The following MFSD11 variants were observed in gnomAD, a reference collection of about 807,000 sequenced individuals.
MFSD11 encodes UNC93-like protein MFSD11.
A neutral mutation model predicts 53.5 loss-of-function variants in MFSD11; 36 were observed. The observed-to-expected ratio is 0.67, with a 90% CI of 0.52 to 0.89. MFSD11 has a LOEUF of 0.89. Ranked by LOEUF, MFSD11 falls within the 40% of genes least tolerant of loss-of-function variation. MFSD11 has a pLI of 0.00. For synonymous variants in MFSD11, 186 were observed against 184.9 expected (o/e 1.01, Z -0.05); for missense variants, 530 against 543.9 (o/e 0.97, Z 0.25).
chr17:76,789,914 G>A, the MFSD11 span, among the ~76,000 whole-genome samples: 4 of 150,148 alleles, frequency 2.7e-5, no homozygotes, highest in Admixed American at 6.7e-5. Flanking sequence ...TTGTGAATAT[G>A]GATTGTGTTT....
the MFSD11 span, among the ~76,000 whole-genome samples, chr17:76,803,265 A>G: frequency 2.6e-5 from 4 of 152,142 alleles, no homozygotes; most frequent in East Asian, 7.7e-4. Context: ...GACCTAACCA[A>G]CTCCATCTTG....
chr17:76,769,773 T>C lies in MFSD11; in HGVS notation c.776T>C (p.Val259Ala), dbSNP rs1218187321. The change falls in exon 10 of 13, where the codon GTA becomes GCA. Residue 259 changes from valine to alanine, a missense_variant. Transcript: ENST00000685175. ...CTGGAATTAACTTTCTTCTCTGGTG[T>C]ATATGGAACCTGTATTGGTGCTACA... ...TGLELTFFSG[V>A]YGTCIGATNK... is the part of the protein sequence containing the mutation. 1.9e-6 allele frequency: 3 copies of C among 1,609,150 alleles called. No individual in the cohort carries two copies. The highest frequency in any genetic ancestry group is 2.5e-6 in the Non-Finnish European group (3 of 1,177,746).
chr17:76,737,653 T>G, upstream of MFSD11: 1 of 192,610 alleles, frequency 5.2e-6, no homozygotes, highest in Non-Finnish European at 1.1e-5. Flanking sequence ...CACCTTTTTT[T>G]CATGCCAATA....
intron 9 of MFSD11, among the ~76,000 whole-genome samples, chr17:76,767,695 C>T (rs2080985880): frequency 6.6e-6 from 1 of 151,918 alleles, no homozygotes. Context: ...ATCTCCACGA[C>T]CCCCTCCATA....
At chr17:76,754,329 C>T in intron 8 of MFSD11, 1 of 450,286 alleles carries the variant, frequency 2.2e-6, no homozygotes, top group South Asian at 2.9e-5. Context: ...AAAGAGGCTG[C>T]ATAGCACTCA....
At chr17:76,746,413 A>G (rs2078546522) in intron 7 of MFSD11, among the ~76,000 whole-genome samples, 1 of 152,254 alleles carries the variant, frequency 6.6e-6, no homozygotes, top group Non-Finnish European at 1.5e-5. Context: ...AGATCTGGCC[A>G]TTATAATTGA....
chr17:76,800,138 T>TGG, the MFSD11 span, among the ~76,000 whole-genome samples: 1 of 70,292 alleles, frequency 1.4e-5, no homozygotes, highest in African/African-American at 5.0e-5. Flanking sequence ...GTATTTTTAG[T>TGG]AGAGACGGGT....
rs777621573 is a variant in MFSD11 at position 76,776,422 on chromosome 17, C to G, written c.1066C>G (p.Leu356Val). The change falls in exon 12 of 13, where the codon CTC (leucine) becomes GTC (valine). Residue 356 changes from leucine to valine, a missense_variant. Leu to Val is a conservative substitution (Grantham distance 32). Transcript: ENST00000685175. This position sits in a 1 kb window ranked among gnomAD's most constrained non-coding sequence, Gnocchi z 4.2. ...TTTCTTCAGCAAAGAAGTTGCCATT[C>G]TCTGCAGTTTTCTGTTGGGCCTTGG... ...YIKSSKEVAI[L>V]CSFLLGLGDS... The G allele has an allele frequency of 3.7e-6, 6 of 1,613,738 alleles. No homozygotes were observed. The highest frequency in any genetic ancestry group is 5.1e-6 in the Non-Finnish European group (6 of 1,179,926).
chr17:76,775,248 A>G, intron 11 of MFSD11, 77 bp downstream of exon 11: 1 of 1,370,022 alleles, frequency 7.3e-7, no homozygotes, highest in South Asian at 1.3e-5. Flanking sequence ...AAAGTGGAGC[A>G]GTTAATCCTC....
At chr17:76,754,830 T>A (rs987716788) in intron 8 of MFSD11, among the ~76,000 whole-genome samples, 1 of 152,172 alleles carries the variant, frequency 6.6e-6, no homozygotes, top group Non-Finnish European at 1.5e-5. Context: ...TGTTTTTTAC[T>A]CTATGTAATT....
At chr17:76,789,033 T>TG in the MFSD11 span, among the ~76,000 whole-genome samples, 2 of 149,632 alleles carry the variant, frequency 1.3e-5, no homozygotes, top group Non-Finnish European at 3.0e-5. Flanking sequence ...TCCCAGCTAC[T>TG]GGGGAGGCTG....
intron 2 of MFSD11, among the ~76,000 whole-genome samples, chr17:76,740,469 C>T (rs958650528): frequency 1.3e-5 from 2 of 152,104 alleles, no homozygotes; most frequent in African/African-American, 4.8e-5. Context: ...ATGACGCTGC[C>T]AGAGTTGTAG....
chr17:76,791,874 C>T, the MFSD11 span, among the ~76,000 whole-genome samples: 12 of 146,310 alleles, frequency 8.2e-5, no homozygotes, highest in African/African-American at 2.8e-4. Context: ...TGTGTTCCCC[C>T]CCGCCCCGAG....
At chr17:76,767,545 G>A (rs1568100686) in intron 9 of MFSD11, 94 bp downstream of exon 9, 1 of 773,636 alleles carries the variant, frequency 1.3e-6, no homozygotes, top group African/African-American at 1.8e-5. Flanking sequence ...ATTCTGTGCA[G>A]TGACTGGACT....
the MFSD11 span, among the ~76,000 whole-genome samples, chr17:76,791,841 GT>G: frequency 3.9e-4 from 54 of 138,604 alleles, no homozygotes; most frequent in African/African-American, 4.3e-4. Context: ...TTTTTTGCTT[GT>G]TTTTTTTTTT....
At chr17:76,796,902 G>C in the MFSD11 span, among the ~76,000 whole-genome samples, 1 of 152,062 alleles carries the variant, frequency 6.6e-6, no homozygotes. Flanking sequence ...GGGCACGGTG[G>C]CTCATGCCTG....
intron 8 of MFSD11, among the ~76,000 whole-genome samples, chr17:76,763,144 G>A (rs1302923649): frequency 1.3e-5 from 2 of 152,142 alleles, no homozygotes; most frequent in Admixed American, 6.5e-5. Context: ...TGGGTCATGT[G>A]GTATCTGACT....
intron 8 of MFSD11, among the ~76,000 whole-genome samples, chr17:76,766,296 A>G (rs180795907): frequency 6.6e-6 from 1 of 151,484 alleles, no homozygotes; most frequent in Non-Finnish European, 1.5e-5. Flanking sequence ...GTATGGGCCT[A>G]TAATCCCAGC....
chr17:76,738,064 C>T (rs2143988399), upstream of MFSD11: 1 of 441,170 alleles, frequency 2.3e-6, no homozygotes, highest in Non-Finnish European at 4.0e-6. Flanking sequence ...CTTTAATCCC[C>T]TTCGTGGGCC....
Sources: gnomAD v4.1 joint callset for allele counts (sites outside exome capture counted in the v4.1 genomes callset) on GRCh38, gnomAD v4.1.1 for gene constraint, Gnocchi (gnomAD v3.1) non-coding constraint, MANE v1.5 for transcripts, NCBI Gene and HGNC (gene_info 2026-07-23, HGNC 2026-07-21) for gene names.